The following FTCDNL1 variants were observed in gnomAD, a reference collection of about 807,000 sequenced individuals.
FTCDNL1 encodes the protein formiminotransferase N-terminal subdomain-containing protein.
Under a neutral mutation model 5.9 loss-of-function variants are expected in FTCDNL1, and 11 were observed. That is an observed-to-expected ratio of 1.87 (90% CI 1.18 to 3.10). The LOEUF (loss-of-function observed/expected upper bound fraction) is 3.10. Ranked by LOEUF, FTCDNL1 falls within the 30% of genes most tolerant of loss-of-function variation. FTCDNL1 has a pLI of 0.00. For missense variants in FTCDNL1, 115 were observed against 65.5 expected (o/e 1.76, Z -2.61); for synonymous variants, 58 against 24.8 (o/e 2.34, Z -3.99).
the FTCDNL1 span, among the ~76,000 whole-genome samples, chr2:199,732,165 CT>C: frequency 2.0e-5 from 3 of 152,094 alleles, no homozygotes; most frequent in Admixed American, 1.3e-4. Flanking sequence ...TCCTTTTGGC[CT>C]TTTTTCCTAG....
chr2:199,685,062 T>G, the FTCDNL1 span, among the ~76,000 whole-genome samples: 5 of 152,186 alleles, frequency 3.3e-5, no homozygotes, highest in Admixed American at 1.3e-4. Flanking sequence ...GAGCTCGTAC[T>G]TCCTCCATGT....
chr2:199,727,480 GCA>G, the FTCDNL1 span, among the ~76,000 whole-genome samples: 5 of 152,212 alleles, frequency 3.3e-5, no homozygotes, highest in South Asian at 1.0e-3. Flanking sequence ...TAACAGGGTA[GCA>G]CAGTCACCCA....
the FTCDNL1 span, among the ~76,000 whole-genome samples, chr2:199,745,191 A>C: frequency 6.6e-6 from 1 of 152,210 alleles, no homozygotes; most frequent in Non-Finnish European, 1.5e-5. Context: ...TACATTCAAC[A>C]AATGGTTACT....
chr2:199,725,787 AC>A, the FTCDNL1 span, among the ~76,000 whole-genome samples: 5 of 152,116 alleles, frequency 3.3e-5, no homozygotes, highest in Admixed American at 3.3e-4. Context: ...TTTGTAGGTG[AC>A]CTGGCCTTTC....
At chr2:199,792,047 CTT>C in intron 3 of FTCDNL1, among the ~76,000 whole-genome samples, 1 of 151,908 alleles carries the variant, frequency 6.6e-6, no homozygotes, top group East Asian at 1.9e-4. Flanking sequence ...TGAATTTTGT[CTT>C]TTCCTCCGTT....
chr2:199,790,466 C>G (rs12471389), intron 3 of FTCDNL1, among the ~76,000 whole-genome samples: 7,215 of 149,578 alleles, frequency 0.048, 395 homozygotes, highest in Admixed American at 0.13. Flanking sequence ...CCACTGCACT[C>G]CAGCTGGGGT....
At chr2:199,844,512 A>G in intron 3 of FTCDNL1, 1 of 642,830 alleles carries the variant, frequency 1.6e-6, no homozygotes, top group Non-Finnish European at 2.9e-6. Context: ...GCCTCTAGGC[A>G]GGCAGCCAGA....
intron 3 of FTCDNL1, among the ~76,000 whole-genome samples, chr2:199,770,720 TCTTTA>T (rs1430298964): frequency 6.6e-6 from 1 of 152,184 alleles, no homozygotes; most frequent in African/African-American, 2.4e-5. Context: ...GCCCTTTGGC[TCTTTA>T]CTTCAGTATT....
chr2:199,707,212 C>A, the FTCDNL1 span, among the ~76,000 whole-genome samples: 20 of 152,334 alleles, frequency 1.3e-4, no homozygotes, highest in African/African-American at 4.8e-4. Flanking sequence ...ATGTCCTCCC[C>A]ACTCCTCAAT....
the FTCDNL1 span, among the ~76,000 whole-genome samples, chr2:199,745,470 G>A: frequency 0.8 from 121,084 of 152,174 alleles, 51,053 homozygotes; most frequent in East Asian, 1. Context: ...GAATAACATT[G>A]TCATTAGTCC....
At chr2:199,752,575 G>C in the FTCDNL1 span, among the ~76,000 whole-genome samples, 1 of 152,178 alleles carries the variant, frequency 6.6e-6, no homozygotes, top group Non-Finnish European at 1.5e-5. Flanking sequence ...AATTTGGCCA[G>C]CAGATGGCCT....
intron 3 of FTCDNL1, among the ~76,000 whole-genome samples, chr2:199,788,283 G>A (rs538300513): frequency 6.6e-6 from 1 of 152,288 alleles, no homozygotes; most frequent in Non-Finnish European, 1.5e-5. Flanking sequence ...CATGAAGCAG[G>A]GGCTGGCATA....
rs112627805 is a variant in FTCDNL1, at chr2:199,783,474, C to T, written c.212-22639G>A. Among the ~76,000 whole-genome samples the T allele has an allele frequency of 2.5e-4, 38 of 152,254 alleles. 1 individual carries two copies. Among genetic ancestry groups the T allele is most frequent in the South Asian group, 8.3e-4 (4 of 4,822 alleles). The stretch of plus-strand genomic sequence containing the variant: ...GGCCATCATAATTCTAATATTTCAA[C>T]GTTACATGGTATGGGCCATCATTAT... On this transcript the variant is annotated intron_variant, in intron 3 of 3. Transcript: ENST00000416668.
At chr2:199,671,705 T>C in the FTCDNL1 span, among the ~76,000 whole-genome samples, 1 of 152,132 alleles carries the variant, frequency 6.6e-6, no homozygotes, top group Non-Finnish European at 1.5e-5. Flanking sequence ...CCAGATTGAC[T>C]GAGCTGGGAC....
At chr2:199,668,444 C>G in the FTCDNL1 span, among the ~76,000 whole-genome samples, 1 of 152,194 alleles carries the variant, frequency 6.6e-6, no homozygotes, top group Non-Finnish European at 1.5e-5. Flanking sequence ...ATGATGCAAT[C>G]TGCATAGTAT....
At chr2:199,742,538 ATAC>A in the FTCDNL1 span, among the ~76,000 whole-genome samples, 16 of 152,326 alleles carry the variant, frequency 1.1e-4, no homozygotes, top group East Asian at 3.1e-3. Context: ...AGTCTTGATG[ATAC>A]TACTACTAAT....
At chr2:199,727,221 T>C in the FTCDNL1 span, among the ~76,000 whole-genome samples, 1 of 152,158 alleles carries the variant, frequency 6.6e-6, no homozygotes, top group South Asian at 2.1e-4. Flanking sequence ...TGTAGGGAAT[T>C]CCTTCTGGTC....
chr2:199,704,632 A>C, the FTCDNL1 span, among the ~76,000 whole-genome samples: 1 of 152,128 alleles, frequency 6.6e-6, no homozygotes, highest in Non-Finnish European at 1.5e-5. Context: ...GGAAGGGAGA[A>C]GCACCTTTAG....
the FTCDNL1 span, among the ~76,000 whole-genome samples, chr2:199,741,366 G>A: frequency 2.6e-5 from 4 of 152,116 alleles, no homozygotes; most frequent in Non-Finnish European, 5.9e-5. Context: ...AACCAAAGAA[G>A]TCTATTAAAT....
Sources: gnomAD v4.1 joint callset for allele counts (sites outside exome capture counted in the v4.1 genomes callset) on GRCh38, gnomAD v4.1.1 for gene constraint, MANE v1.5 for transcripts, NCBI Gene and HGNC (gene_info 2026-07-23, HGNC 2026-07-21) for gene names.